KLRG1: variants seen among roughly 807,000 people sequenced by gnomAD.
The protein encoded by KLRG1 is killer cell lectin-like receptor subfamily G member 1.
In KLRG1, 16 loss-of-function variants were observed where a neutral mutation model predicts 21.8. The ratio of observed to expected loss-of-function variants is 0.73; its 90% CI spans 0.50 to 1.11. The LOEUF (loss-of-function observed/expected upper bound fraction) is 1.11, where lower values mean the gene tolerates loss of function less well. KLRG1 is among the 50% of genes most tolerant of loss of function. The pLI is 0.00. For synonymous variants in KLRG1, 69 were observed against 75.9 expected (o/e 0.91, Z 0.47); for missense variants, 173 against 218.3 (o/e 0.79, Z 1.31).
At chr12:9,194,016 T>G in the KLRG1 span, 2 of 1,455,076 alleles carry the variant, frequency 1.4e-6, no homozygotes, top group Non-Finnish European at 1.9e-6. Flanking sequence ...ACATTTCTTC[T>G]GAATATATCA....
the KLRG1 span, chr12:9,095,395 G>T: frequency 2.7e-6 from 2 of 738,806 alleles, no homozygotes; most frequent in Non-Finnish European, 2.1e-6. Context: ...TCGCAGATCT[G>T]CTGCTATTAG....
At chr12:8,983,040 A>G (rs1016991366) in intron 1 of KLRG1, among the ~76,000 whole-genome samples, 3 of 152,206 alleles carry the variant, frequency 2.0e-5, no homozygotes, top group African/African-American at 4.8e-5. Context: ...GATGAATTCA[A>G]TTATTGATAA....
At chr12:9,164,187 T>C in the KLRG1 span, 60 of 1,609,978 alleles carry the variant, frequency 3.7e-5, no homozygotes, top group South Asian at 6.4e-4. Context: ...TTTCCACAGA[T>C]ACAATAGGAT....
At chr12:9,001,549 T>G (rs947137440) in intron 3 of KLRG1, among the ~76,000 whole-genome samples, 16 of 152,140 alleles carry the variant, frequency 1.1e-4, no homozygotes, top group Admixed American at 9.2e-4. Flanking sequence ...TAAGTCAGAT[T>G]CCTTAAACCC....
the KLRG1 span, among the ~76,000 whole-genome samples, chr12:9,119,844 A>G: frequency 6.6e-6 from 1 of 152,160 alleles, no homozygotes; most frequent in Non-Finnish European, 1.5e-5. Flanking sequence ...GTATTACTAA[A>G]ATCGCCTTTC....
chr12:9,111,485 T>TG, the KLRG1 span: 1 of 455,716 alleles, frequency 2.2e-6, no homozygotes, highest in Non-Finnish European at 4.4e-6. Context: ...AGGACTAGCT[T>TG]GCAGCAGTAG....
chr12:9,165,926 A>G, the KLRG1 span: 12 of 1,197,794 alleles, frequency 1.0e-5, no homozygotes, highest in African/African-American at 1.1e-4. Context: ...ACTTAGGTCT[A>G]TCCTAAAGAG....
the KLRG1 span, among the ~76,000 whole-genome samples, chr12:9,051,198 C>T: frequency 1.3e-5 from 2 of 152,222 alleles, no homozygotes; most frequent in Non-Finnish European, 2.9e-5. Flanking sequence ...AGAGAGGACT[C>T]AATGGGAAGA....
chr12:9,157,623 G>GCATCAA, the KLRG1 span: 1 of 764,920 alleles, frequency 1.3e-6, no homozygotes, highest in Non-Finnish European at 2.1e-6. Context: ...CTCTCTTAAT[G>GCATCAA]CATCAACCAA....
chr12:9,047,460 A>G, the KLRG1 span, among the ~76,000 whole-genome samples: 1 of 152,222 alleles, frequency 6.6e-6, no homozygotes, highest in African/African-American at 2.4e-5. Flanking sequence ...AGACAAAATG[A>G]AATAATATAA....
chr12:9,084,045 A>C, the KLRG1 span, among the ~76,000 whole-genome samples: 2 of 152,148 alleles, frequency 1.3e-5, no homozygotes, highest in Non-Finnish European at 2.9e-5. Context: ...GTACTGAAGG[A>C]AAACAAAAAT....
In KLRG1 at chr12:8,978,645, T is replaced by TTTCTTTCTTTCTTTCC. The variant is rs1555140716; in HGVS notation, c.-155-13546_-155-13545insCTTCTTTCTTTCTTTC. Reference sequence around the variant, plus strand: ...TTTCTTTTTCTTTTTCTTTCTTTTCTTTCTTTCTTTCTTTCTTTCTTTCTT... The same window carrying TTTCTTTCTTTCTTTCC: ...TTTCTTTTTCTTTTTCTTTCTTTTCTTTCTTTCTTTCTTTCCTTCTTTCTTTCTTTCTTTCTTTCTT... On this transcript the variant is annotated intron_variant, in intron 1 of 4. Transcript: ENST00000539240. Among the ~76,000 whole-genome samples the TTTCTTTCTTTCTTTCC allele has an allele frequency of 9.6e-3, 190 of 19,760 alleles. 1 individual carries two copies. Among genetic ancestry groups the TTTCTTTCTTTCTTTCC allele is most frequent in the African/African-American group, 0.016 (175 of 11,130 alleles). 13.0% of individuals were successfully genotyped at this position (19,760 alleles called of 152,430 possible).
the KLRG1 span, among the ~76,000 whole-genome samples, chr12:9,080,924 T>C: frequency 6.6e-6 from 1 of 152,080 alleles, no homozygotes; most frequent in Admixed American, 6.5e-5. Context: ...CAAAATAAAA[T>C]GCTTGACTCA....
At chr12:9,021,252 A>C in the KLRG1 span, among the ~76,000 whole-genome samples, 1 of 152,198 alleles carries the variant, frequency 6.6e-6, no homozygotes, top group Non-Finnish European at 1.5e-5. Context: ...AAGTTAATGT[A>C]AAGGCCTAGG....
chr12:8,971,890 A>G (rs551454684), intron 1 of KLRG1, among the ~76,000 whole-genome samples: 24 of 152,354 alleles, frequency 1.6e-4, no homozygotes, highest in Non-Finnish European at 2.5e-4. Flanking sequence ...AGCTATTTAT[A>G]TATTTTGGAT....
chr12:9,200,480 T>C, the KLRG1 span: 4 of 1,473,984 alleles, frequency 2.7e-6, no homozygotes, highest in African/African-American at 2.8e-5. Context: ...ATAAGGAAGG[T>C]TGGTAAACAT....
the KLRG1 span, chr12:9,202,658 C>G: frequency 6.2e-7 from 1 of 1,614,112 alleles, no homozygotes. Context: ...GGAATGCCAC[C>G]TCTGAAGAGG....
At chr12:9,109,521 T>A in the KLRG1 span, 1 of 772,388 alleles carries the variant, frequency 1.3e-6, no homozygotes, top group African/African-American at 1.7e-5. Context: ...AAAAGGTAGC[T>A]CTGCTCTCCA....
At position 8,999,709 on chromosome 12, in the gene KLRG1, G is replaced by T. The variant is rs911508947; in HGVS notation, c.357+4421G>T. On this transcript the variant is annotated intron_variant, in intron 3 of 4. Coordinates refer to ENST00000356986, the MANE Select transcript of KLRG1 (RefSeq NM_005810.4). ...CTTCAACAACTTTCTTAACCTTTTT[G>T]ACTCTCAGTTTCCTCATGTACAAAG... is the stretch of plus-strand genomic sequence containing the variant. Among the ~76,000 whole-genome samples the T allele has an allele frequency of 7.9e-5, 12 of 152,168 alleles. No homozygotes were observed. The South Asian group carries it at 2.3e-3, about 29-fold the overall frequency.
Sources: allele counts gnomAD v4.1 joint callset (sites outside exome capture counted in the v4.1 genomes callset), GRCh38; gene constraint gnomAD v4.1.1; transcripts MANE v1.5; gene names NCBI Gene and HGNC (gene_info 2026-07-23, HGNC 2026-07-21).